The following PTPRE variants were observed in gnomAD, a reference collection of about 807,000 sequenced individuals.
PTPRE encodes protein tyrosine phosphatase receptor type E, also known as receptor-type tyrosine-protein phosphatase epsilon.
In PTPRE, 51 loss-of-function variants were observed where a neutral mutation model predicts 102.0. The ratio of observed to expected loss-of-function variants is 0.50; its 90% CI spans 0.40 to 0.63. The LOEUF is 0.63. PTPRE is among the 30% of genes least tolerant of loss of function. PTPRE has a pLI of 0.00. For synonymous variants in PTPRE, 345 were observed against 348.2 expected (o/e 0.99, Z 0.10); for missense variants, 752 against 915.1 (o/e 0.82, Z 2.30).
intron 2 of PTPRE, chr10:127,998,993 A>G (rs1314877468): frequency 6.6e-6 from 1 of 151,774 alleles, no homozygotes; most frequent in African/African-American, 2.4e-5. Context: ...GAAGGGGGCA[A>G]AGAGATCTTT....
intron 2 of PTPRE, chr10:127,987,412 AG>A: frequency 8.4e-7 from 1 of 1,189,898 alleles, no homozygotes; most frequent in Non-Finnish European, 1.1e-6. Flanking sequence ...GGGAGCTCAG[AG>A]GGGTCTTTCT....
At chr10:127,974,402 G>A (rs1011970548) in intron 1 of PTPRE, among the ~76,000 whole-genome samples, 4 of 152,140 alleles carry the variant, frequency 2.6e-5, no homozygotes, top group Non-Finnish European at 4.4e-5. Context: ...CTGGCTTCCC[G>A]GTTTTTGTTT....
intron 1 of PTPRE, among the ~76,000 whole-genome samples, chr10:127,921,840 C>T (rs1055756991): frequency 1.3e-5 from 2 of 152,130 alleles, no homozygotes; most frequent in South Asian, 2.1e-4. Flanking sequence ...GAGGTCAGGA[C>T]TTTCTTCAAT....
In PTPRE at chr10:128,070,244, G is replaced by A. The variant is rs1850649162; in HGVS notation, c.1144-57G>A. 5 of 1,527,402 alleles carry A rather than the reference G, an allele frequency of 3.3e-6. No individual in the cohort carries two copies. The highest frequency in any genetic ancestry group is 2.6e-5 in the South Asian group (2 of 77,494). 94.6% of individuals were successfully genotyped at this position (1,527,402 alleles called of 1,614,324 possible). A position where few individuals can be genotyped will look rare whatever the true frequency, so the allele number is the denominator to read the frequency against. On this transcript the variant is annotated intron_variant, in intron 13 of 20. Transcript: ENST00000254667. This position sits in a 1 kb window ranked among gnomAD's most constrained non-coding sequence, Gnocchi z 4.8. ...CCCTCTTTGGTCTGCCAAGCTCCAC[G>A]TGGGCCAAGACTGCAGGGCAGAGTT...
chr10:128,067,239 C>CATGCACACAT (rs1850271688), intron 11 of PTPRE, among the ~76,000 whole-genome samples: 6 of 148,348 alleles, frequency 4.0e-5, no homozygotes, highest in Admixed American at 3.3e-4. Context: ...CATGCACACA[C>CATGCACACAT]GCACACACAT....
intron 1 of PTPRE, among the ~76,000 whole-genome samples, chr10:127,964,467 G>A (rs550203525): frequency 6.6e-6 from 1 of 152,082 alleles, no homozygotes; most frequent in Non-Finnish European, 1.5e-5. Context: ...CACCATACCC[G>A]GCCTCCTTTG....
chr10:127,957,190 G>C (rs749305169), intron 1 of PTPRE, among the ~76,000 whole-genome samples: 15 of 152,038 alleles, frequency 9.9e-5, no homozygotes, highest in Admixed American at 2.0e-4. Context: ...ATTTTCTAGA[G>C]TTTTATAATT....
At chr10:128,014,524 G>A (rs1845271451) in intron 2 of PTPRE, among the ~76,000 whole-genome samples, 1 of 152,096 alleles carries the variant, frequency 6.6e-6, no homozygotes, top group Non-Finnish European at 1.5e-5. Context: ...TGCGAGGAGG[G>A]CGGATTTATT....
intron 9 of PTPRE, among the ~76,000 whole-genome samples, chr10:128,062,101 G>A (rs1849654163): frequency 2.6e-5 from 4 of 152,182 alleles, no homozygotes; most frequent in African/African-American, 9.7e-5. Flanking sequence ...CTGTGAAAAC[G>A]TGCCCTTCAC....
chr10:127,927,713 A>G (rs2135217377), intron 1 of PTPRE, among the ~76,000 whole-genome samples: 1 of 152,324 alleles, frequency 6.6e-6, no homozygotes, highest in Admixed American at 6.5e-5. Context: ...GGAGGTTGTC[A>G]CGTCTTTGAG....
intron 1 of PTPRE, among the ~76,000 whole-genome samples, chr10:127,917,378 T>C (rs1210380011): frequency 1.3e-5 from 2 of 152,156 alleles, no homozygotes; most frequent in Admixed American, 1.3e-4. Flanking sequence ...ACTGTCATCT[T>C]TCTGTTAAAT....
intron 1 of PTPRE, among the ~76,000 whole-genome samples, chr10:127,947,727 T>C (rs116074437): frequency 8.3e-4 from 127 of 152,250 alleles, no homozygotes; most frequent in African/African-American, 2.9e-3. Flanking sequence ...TGTTCTTTTA[T>C]GGAAAGAATC....
intron 2 of PTPRE, among the ~76,000 whole-genome samples, chr10:128,006,621 T>C (rs1854574570): frequency 6.6e-6 from 1 of 152,138 alleles, no homozygotes; most frequent in Non-Finnish European, 1.5e-5. Flanking sequence ...CTGGAAGACG[T>C]CTGAGTTCAG....
intron 1 of PTPRE, among the ~76,000 whole-genome samples, chr10:127,966,721 G>T (rs1395630672): frequency 2.0e-5 from 3 of 152,272 alleles, no homozygotes; most frequent in African/African-American, 7.2e-5. Flanking sequence ...TGAGGTAACT[G>T]CCCAGGCTGC....
chr10:128,013,965 G>T (rs1845223018), intron 2 of PTPRE, among the ~76,000 whole-genome samples: 1 of 152,200 alleles, frequency 6.6e-6, no homozygotes, highest in Non-Finnish European at 1.5e-5. Flanking sequence ...ATGTGTGCGT[G>T]CAGGAGGCTA....
chr10:127,939,759 G>A (rs1243872808), intron 1 of PTPRE, among the ~76,000 whole-genome samples: 1 of 152,140 alleles, frequency 6.6e-6, no homozygotes, highest in Non-Finnish European at 1.5e-5. Context: ...AGGAGAGGCA[G>A]GAGGAGGCAG....
intron 2 of PTPRE, among the ~76,000 whole-genome samples, chr10:128,004,443 C>T (rs1027770277): frequency 2.6e-5 from 4 of 152,122 alleles, no homozygotes; most frequent in East Asian, 1.9e-4. Context: ...TGCTGGCAAC[C>T]GCCAATCAGC....
Position 128,070,850 on chromosome 10 carries a change from G to A in PTPRE, c.1336G>A (p.Gly446Ser). The A allele has an allele frequency of 6.2e-7, 1 of 1,614,192 alleles. No homozygotes were observed. Among genetic ancestry groups the A allele is most frequent in the Non-Finnish European group, 8.5e-7 (1 of 1,180,024 alleles). ...VRIMKENMRT[G>S]NLPANMKKAR... ...GATCATGAAGGAGAACATGAGGACG[G>A]GCAACTTGCCGGCAAACATGAAGAA... Residue 446 changes from glycine (G) to serine (S), a missense_variant, in exon 15 of 21, where the codon GGC (glycine) becomes AGC (serine). Gly to Ser is a moderately conservative substitution (Grantham distance 56, BLOSUM62 0). Around this residue, in one of 2 missense-constraint regions of PTPRE, gnomAD observed 636 missense variants for 824.4 expected, o/e 0.77. Coordinates refer to ENST00000254667, the MANE Select transcript of PTPRE (RefSeq NM_006504.6). This position sits in a 1 kb window ranked among gnomAD's most constrained non-coding sequence, Gnocchi z 4.8.
chr10:128,016,761 T>C (rs1845468056), intron 2 of PTPRE, among the ~76,000 whole-genome samples: 1 of 152,210 alleles, frequency 6.6e-6, no homozygotes, highest in African/African-American at 2.4e-5. Flanking sequence ...TTTGGATTTG[T>C]TGGTATGACT....
Sources: gnomAD v4.1 joint callset for allele counts (sites outside exome capture counted in the v4.1 genomes callset) on GRCh38, gnomAD v4.1.1 for gene constraint, gnomAD v4.1.1 regional missense constraint, Gnocchi (gnomAD v3.1) non-coding constraint, MANE v1.5 for transcripts, NCBI Gene and HGNC (gene_info 2026-07-23, HGNC 2026-07-21) for gene names.